Variants in RABL6 observed in about 807,000 individuals in gnomAD.
RABL6 encodes the protein rab-like protein 6.
In RABL6, 28 loss-of-function variants were observed where a neutral mutation model predicts 72.9. The ratio of observed to expected loss-of-function variants is 0.38; its 90% CI spans 0.28 to 0.53. The LOEUF (loss-of-function observed/expected upper bound fraction) is 0.53, where lower values mean the gene tolerates loss of function less well. RABL6 is among the 20% of genes least tolerant of loss of function. The pLI, the probability that RABL6 is intolerant of heterozygous loss-of-function variation, is 0.80. For synonymous variants in RABL6, 477 were observed against 421.2 expected (o/e 1.13, Z -1.62); for missense variants, 1,029 against 1,008.4 (o/e 1.02, Z -0.28).
At chr9:136,809,863 G>C (rs557880463) in intron 1 of RABL6, 2 of 160,594 alleles carry the variant, frequency 1.2e-5, no homozygotes, top group South Asian at 3.9e-4. Flanking sequence ...CTGGGGAGAA[G>C]GCTTGACTAT....
At chr9:136,811,160 C>G (rs1848003094) in intron 1 of RABL6, among the ~76,000 whole-genome samples, 1 of 152,232 alleles carries the variant, frequency 6.6e-6, no homozygotes, top group African/African-American at 2.4e-5. Flanking sequence ...ACATAGCCCT[C>G]AGGTGACCCT....
At position 136,840,371 on chromosome 9, in the gene RABL6, ACAAGGAGGAGGG is replaced by A. The variant is rs753875922; in HGVS notation, c.2050_2061del (p.Gly684_Glu687del). 2.8e-5 allele frequency: 43 copies of A among 1,556,264 alleles called. No individual in the cohort carries two copies. The Middle Eastern group carries it at 5.0e-4, about 18-fold the overall frequency. On this transcript the variant is annotated inframe_deletion, in exon 15 of 15. Coordinates refer to ENST00000311502, the MANE Select transcript of RABL6 (RefSeq NM_024718.5). ...AAGAGCAAACACAAGAAGAGCAAGG[ACAAGGAGGAGGG>A]CAAGGAGGAGCGGCGACGGCGGCAG...
At chr9:136,834,624 G>T in intron 7 of RABL6, 1 of 326,356 alleles carries the variant, frequency 3.1e-6, no homozygotes, top group Non-Finnish European at 4.4e-6. Flanking sequence ...GATTACAGGC[G>T]CCTGCCACCA....
chr9:136,831,582 C>T (rs576019844), intron 5 of RABL6, 139 bp from the exon 6 acceptor site: 19 of 1,251,118 alleles, frequency 1.5e-5, no homozygotes, highest in Admixed American at 3.9e-5. Context: ...TCTGCATGCA[C>T]GAGGCATGCT....
At position 136,840,473 on chromosome 9, in the gene RABL6, G is replaced by C; in HGVS notation, c.2141G>C (p.Gly714Ala). 4 of 1,528,474 alleles carry C rather than the reference G, an allele frequency of 2.6e-6. No homozygotes were observed. The highest frequency in any genetic ancestry group is 3.5e-6 in the Non-Finnish European group (4 of 1,139,494). The allele number at this position is 1,528,474 out of a possible 1,614,324, so 94.7% of individuals were successfully genotyped here. A position where few individuals can be genotyped will look rare whatever the true frequency, so the allele number is the denominator to read the frequency against. Residue 714 changes from glycine (G) to alanine (A), a missense_variant, in exon 15 of 15, where the codon GGG (glycine) becomes GCG (alanine). Physicochemically the swap from Gly to Ala is moderately conservative, Grantham distance 60 (BLOSUM62 0). Transcript: ENST00000311502. ...GAGCTGGAGGCTTTCCTGGGGGGCG[G>C]GGCCCCGGGCGGCCGCCACCCTGGG... is the stretch of plus-strand genomic sequence containing the variant. ...ADELEAFLGGGAPGGRHPGGG... is the reference protein window; with the variant it reads ...ADELEAFLGGAAPGGRHPGGG...
chr9:136,839,307 C>G lies in RABL6; in HGVS notation c.1579C>G (p.Arg527Gly), dbSNP rs149063067. 5 of 1,612,034 alleles carry G rather than the reference C, an allele frequency of 3.1e-6. No homozygotes were observed. The highest frequency in any genetic ancestry group is 4.2e-6 in the Non-Finnish European group (5 of 1,179,678). ...APPWPGGVSV[R>G]TGPEKRSSTR... is the part of the protein sequence containing the mutation. ...CCCCTGGCCAGGCGGTGTCTCTGTT[C>G]GCACAGGTCCGGAGAAGCGCAGCAG... The change falls in exon 12 of 15, where the codon CGC (arginine) becomes GGC (glycine). Residue 527 changes from arginine (R) to glycine (G), a missense_variant. Transcript: ENST00000311502.
At chr9:136,821,334 C>T in intron 1 of RABL6, 1 of 985,412 alleles carries the variant, frequency 1.0e-6, no homozygotes, top group South Asian at 4.7e-5. Context: ...GCCCCACTCC[C>T]GGGAAAGACC....
chr9:136,839,657 G>A (rs559230841), intron 12 of RABL6, 37 bp from the exon 13 acceptor site: 3 of 1,554,594 alleles, frequency 1.9e-6, no homozygotes, highest in Admixed American at 1.8e-5. Context: ...GGGTGTGGGA[G>A]GGATGATGGC....
In RABL6 at chr9:136,840,550, GC is replaced by G; in HGVS notation, c.*29del. ...CGGCGTGGGCAGTGGCCGCCCTGGG[GC>G]GGGGGGCGTGCCTGTCACTGCCTGG... On this transcript the variant is annotated 3_prime_UTR_variant, in exon 15 of 15. Coordinates refer to ENST00000311502, the MANE Select transcript of RABL6 (RefSeq NM_024718.5). 6.5e-7 allele frequency: 1 copy of G among 1,546,430 alleles called. No individual in the cohort carries two copies. Among genetic ancestry groups the G allele is most frequent in the Non-Finnish European group, 8.7e-7 (1 of 1,146,034 alleles).
chr9:136,817,745 G>C (rs894970459), intron 1 of RABL6, among the ~76,000 whole-genome samples: 2 of 152,132 alleles, frequency 1.3e-5, no homozygotes, highest in Non-Finnish European at 2.9e-5. Context: ...GTGGAGTTGA[G>C]CTCGAAACAC....
At chr9:136,838,665 G>T (rs1324292978) in intron 10 of RABL6, among the ~76,000 whole-genome samples, 1 of 152,190 alleles carries the variant, frequency 6.6e-6, no homozygotes, top group African/African-American at 2.4e-5. Context: ...CACTTGTGCG[G>T]CTCCACATCC....
chr9:136,819,667 C>T (rs1848199154), intron 1 of RABL6, among the ~76,000 whole-genome samples: 1 of 152,156 alleles, frequency 6.6e-6, no homozygotes, highest in Non-Finnish European at 1.5e-5. Flanking sequence ...ATGCCATATG[C>T]AGAATATACT....
intron 1 of RABL6, chr9:136,822,001 A>G (rs549066226): frequency 3.9e-6 from 5 of 1,289,574 alleles, no homozygotes; most frequent in South Asian, 1.2e-5. Context: ...TGAGGTACCT[A>G]GGATGGGCGA....
rs557673938 is a variant in RABL6 at position 136,814,734 on chromosome 9, G to A, written c.130+6408G>A. 5 of 151,810 alleles carry A rather than the reference G, an allele frequency of 3.3e-5. No individual in the cohort carries two copies. In the East Asian group the frequency reaches 9.8e-4, roughly 30 times the overall value. 9.4% of individuals were successfully genotyped at this position (151,810 alleles called of 1,614,324 possible). A position where few individuals can be genotyped will look rare whatever the true frequency, so the allele number is the denominator to read the frequency against. On this transcript the variant is annotated intron_variant, in intron 1 of 14. Coordinates refer to ENST00000311502, the MANE Select transcript of RABL6 (RefSeq NM_024718.5). The stretch of plus-strand genomic sequence containing the variant: ...CCACTGCAGTCCAACCTGGGCGAGA[G>A]AGTGAGACCCTGTCTTAAAAAAAAA...
At chr9:136,816,577 G>T (rs1165910941) in intron 1 of RABL6, among the ~76,000 whole-genome samples, 1 of 152,020 alleles carries the variant, frequency 6.6e-6, no homozygotes, top group Non-Finnish European at 1.5e-5. Flanking sequence ...TTAGCTGGGT[G>T]TGATGGGCAC....
intron 7 of RABL6, chr9:136,832,818 G>C: frequency 3.2e-6 from 1 of 315,394 alleles, no homozygotes; most frequent in South Asian, 2.7e-5. Context: ...ACATTTCCCT[G>C]GTGCTTGTGT....
rs751214629 is a variant in RABL6 at position 136,825,834 on chromosome 9, G to A, written c.313+8G>A. 1.4e-5 allele frequency: 23 copies of A among 1,609,612 alleles called. No individual in the cohort carries two copies. Among genetic ancestry groups the A allele is most frequent in the East Asian group, 6.7e-5 (3 of 44,862 alleles). On this transcript the variant is annotated splice_region_variant and intron_variant, in intron 3 of 14. Coordinates refer to ENST00000311502, the MANE Select transcript of RABL6 (RefSeq NM_024718.5). ...GGGATGTAGTAGACAAAGGTGAGGC[G>A]TCTCTGTTCTGTGTCTGCTTCTCTC... is the stretch of plus-strand genomic sequence containing the variant.
chr9:136,808,538 GT>G, intron 1 of RABL6: 1 of 342,002 alleles, frequency 2.9e-6, no homozygotes, highest in Non-Finnish European at 4.8e-6. Flanking sequence ...CGAGCCGCGG[GT>G]CGTTTCCCAG....
chr9:136,838,113 C>A, intron 10 of RABL6, 98 bp downstream of exon 10: 1 of 1,415,210 alleles, frequency 7.1e-7, no homozygotes, highest in Non-Finnish European at 9.6e-7. Context: ...CAGAAGGGGC[C>A]CCCCGCCGGC....
Sources: gnomAD v4.1 joint callset for allele counts (sites outside exome capture counted in the v4.1 genomes callset) on GRCh38, gnomAD v4.1.1 for gene constraint, MANE v1.5 for transcripts, NCBI Gene and HGNC (gene_info 2026-07-23, HGNC 2026-07-21) for gene names.